PPP1R37: variants seen among roughly 807,000 people sequenced by gnomAD.
The protein encoded by PPP1R37 is protein phosphatase 1 regulatory subunit 37.
A neutral mutation model predicts 61.0 loss-of-function variants in PPP1R37; 21 were observed. That is an observed-to-expected ratio of 0.34 (90% CI 0.24 to 0.50). The LOEUF (loss-of-function observed/expected upper bound fraction) is 0.50. PPP1R37 is among the 20% of genes least tolerant of loss of function. PPP1R37 has a pLI of 0.98. For synonymous variants in PPP1R37, 443 were observed against 433.5 expected (o/e 1.02, Z -0.27); for missense variants, 910 against 952.7 (o/e 0.96, Z 0.59).
At chr19:45,136,784 G>C (rs1398516517) in intron 1 of PPP1R37, 1 of 152,368 alleles carries the variant, frequency 6.6e-6, no homozygotes, top group African/African-American at 2.4e-5. Flanking sequence ...CAGCACAGTG[G>C]CCAGAGCGGA....
chr19:45,143,574 C>G lies in PPP1R37; in HGVS notation c.928C>G (p.Leu310Val). ...GGAGCAGAGGAAGGGGCTGGTGACCCTGGTGCTGTGGAACAACCAGCTCAC... is the reference window on the plus strand; with the variant it reads ...GGAGCAGAGGAAGGGGCTGGTGACCGTGGTGCTGTGGAACAACCAGCTCAC... Reference protein sequence around the residue: ...LKEQRKGLVTLVLWNNQLTHT... With the variant: ...LKEQRKGLVTVVLWNNQLTHT... The change falls in exon 8 of 13, where the codon CTG becomes GTG. Residue 310 changes from leucine to valine, a missense_variant. Coordinates refer to ENST00000221462, the MANE Select transcript of PPP1R37 (RefSeq NM_019121.2). 1.3e-6 allele frequency: 2 copies of G among 1,535,852 alleles called. No individual in the cohort carries two copies. Among genetic ancestry groups the G allele is most frequent in the African/African-American group, 1.4e-5 (1 of 73,054 alleles).
chr19:45,129,010 C>T, intron 1 of PPP1R37: 1 of 839,300 alleles, frequency 1.2e-6, no homozygotes, highest in Non-Finnish European at 2.0e-6. Flanking sequence ...GCAGCTGTTG[C>T]AGTCAAGGCC....
chr19:45,123,008 G>A (rs373589812), intron 1 of PPP1R37, among the ~76,000 whole-genome samples: 26 of 152,288 alleles, frequency 1.7e-4, no homozygotes, highest in African/African-American at 6.0e-4. Context: ...TGCCAGAGAC[G>A]CCTTTTGCAT....
At position 45,121,822 on chromosome 19, in the gene PPP1R37, C is replaced by T. The variant is rs374264688; in HGVS notation, c.203-16692C>T. 4.6e-5 allele frequency among the ~76,000 whole-genome samples: 7 copies of T among 152,326 alleles called. No homozygotes were observed. In the East Asian group the frequency reaches 5.8e-4, roughly 13 times the overall value. On this transcript the variant is annotated intron_variant, in intron 1 of 12. Coordinates refer to ENST00000221462, the MANE Select transcript of PPP1R37 (RefSeq NM_019121.2). The surrounding 1 kb of genome is among the most constrained non-coding windows in gnomAD (Gnocchi z 4.2). ...GGGCCCCTTTCAGTAAAGATACTCC[C>T]CTGAGAAATACCTGCCCTTGGGAAG...
intron 1 of PPP1R37, among the ~76,000 whole-genome samples, chr19:45,127,369 A>G (rs951189248): frequency 1.3e-5 from 2 of 148,224 alleles, no homozygotes; most frequent in East Asian, 3.9e-4. Context: ...AAAAAAAAAA[A>G]AAAAAAACCC....
intron 1 of PPP1R37, among the ~76,000 whole-genome samples, chr19:45,107,565 T>C (rs1455092097): frequency 6.6e-6 from 1 of 152,188 alleles, no homozygotes; most frequent in Non-Finnish European, 1.5e-5. Flanking sequence ...GGTCTTGCCA[T>C]TGGACTCCAG....
chr19:45,113,154 G>A (rs973121923), intron 1 of PPP1R37, among the ~76,000 whole-genome samples: 5 of 152,184 alleles, frequency 3.3e-5, no homozygotes, highest in African/African-American at 7.2e-5. Context: ...AAGCCCACCC[G>A]GCCCTCTGGG....
chr19:45,140,816 C>T (rs1968601508), intron 4 of PPP1R37, among the ~76,000 whole-genome samples: 1 of 152,160 alleles, frequency 6.6e-6, no homozygotes, highest in South Asian at 2.1e-4. Context: ...ATGGCCCACC[C>T]TCATAAGCAA....
chr19:45,129,811 G>T (rs534033827), intron 1 of PPP1R37, among the ~76,000 whole-genome samples: 30 of 152,298 alleles, frequency 2.0e-4, no homozygotes, highest in Non-Finnish European at 3.7e-4. Flanking sequence ...AGCGGGGAGG[G>T]GTCCTGCCCC....
At position 45,095,425 on chromosome 19, in the gene PPP1R37, C is replaced by G. The variant is rs188214681; in HGVS notation, c.202+1898C>G. Among the ~76,000 whole-genome samples, 177 of 152,214 alleles carry G rather than the reference C, an allele frequency of 1.2e-3. 2 individuals are homozygous for G. Among genetic ancestry groups the G allele is most frequent in the East Asian group, 2.9e-3 (15 of 5,154 alleles). On this transcript the variant is annotated intron_variant, in intron 1 of 12. Transcript: ENST00000221462. ...GTGCTGGGATTACCGGCATGAGCCACCGTGCCCGGCTGGCTAGTTATTCTT... is the reference window on the plus strand; with the variant it reads ...GTGCTGGGATTACCGGCATGAGCCAGCGTGCCCGGCTGGCTAGTTATTCTT...
rs1353986021 is a variant in PPP1R37 at position 45,143,522 on chromosome 19, T to G, written c.876T>G (p.Gly292=). Residue 292 remains glycine (G), a splice_region_variant and synonymous_variant, in exon 8 of 13, where the codon GGT becomes GGG. Coordinates refer to ENST00000221462, the MANE Select transcript of PPP1R37 (RefSeq NM_019121.2). Reference sequence around the variant, plus strand: ...GCTCTGACTGCCGGCCTCCTCCAGGTCTGGCCTACATCTGCGAGGGCCTCA... The same window carrying G: ...GCTCTGACTGCCGGCCTCCTCCAGGGCTGGCCTACATCTGCGAGGGCCTCA... ...DLRNNHVLDS[G]LAYICEGLKE... 1 of 1,530,906 alleles carries G rather than the reference T, an allele frequency of 6.5e-7. No homozygotes were observed. Among genetic ancestry groups the G allele is most frequent in the Non-Finnish European group, 8.8e-7 (1 of 1,142,508 alleles). 94.8% of individuals were successfully genotyped at this position (1,530,906 alleles called of 1,614,324 possible).
intron 1 of PPP1R37, among the ~76,000 whole-genome samples, chr19:45,120,770 A>G (rs1369559148): frequency 6.6e-6 from 1 of 151,962 alleles, no homozygotes; most frequent in African/African-American, 2.4e-5. Context: ...CCGCTACCAC[A>G]CCTGGCTAAT....
intron 1 of PPP1R37, among the ~76,000 whole-genome samples, chr19:45,098,882 G>C (rs1050791740): frequency 6.6e-6 from 1 of 152,046 alleles, no homozygotes; most frequent in African/African-American, 2.4e-5. Flanking sequence ...TCAGATTTCC[G>C]TCTGGGCCCA....
chr19:45,139,192 C>T (rs1021337329), intron 2 of PPP1R37, among the ~76,000 whole-genome samples: 26 of 152,200 alleles, frequency 1.7e-4, no homozygotes, highest in African/African-American at 5.8e-4. Context: ...GCTGAGATTA[C>T]AGGCATGAGC....
At chr19:45,122,096 G>A (rs1968348805) in intron 1 of PPP1R37, among the ~76,000 whole-genome samples, 1 of 152,182 alleles carries the variant, frequency 6.6e-6, no homozygotes, top group African/African-American at 2.4e-5. Flanking sequence ...AGGAGGCCTT[G>A]TGTGGTTCTG....
chr19:45,097,405 C>T (rs1309973256), intron 1 of PPP1R37, among the ~76,000 whole-genome samples: 6 of 151,968 alleles, frequency 3.9e-5, no homozygotes, highest in Middle Eastern at 6.8e-3. Context: ...GATGGAGGAG[C>T]GCCCCTGGGT....
rs1386168091 is a variant in PPP1R37, at chr19:45,145,219, C to G, written c.1255C>G (p.Leu419Val). The G allele has an allele frequency of 6.5e-7, 1 of 1,535,004 alleles. No homozygotes were observed. Among genetic ancestry groups the G allele is most frequent in the East Asian group, 2.4e-5 (1 of 40,884 alleles). Reference protein sequence around the residue: ...LSLALKVNHSLLRLDLDREPK... With the variant: ...LSLALKVNHSVLRLDLDREPK... ...GTTGGCCCTCAAGGTGAACCACTCA[C>G]TGCTGCGCCTGGACCTCGACCGTGA... The change falls in exon 10 of 13, where the codon CTG (leucine) becomes GTG (valine). Residue 419 changes from leucine (L) to valine (V), a missense_variant. Transcript: ENST00000221462.
At chr19:45,141,958 G>A in intron 5 of PPP1R37, 103 bp from the exon 6 acceptor site, 4 of 1,247,124 alleles carry the variant, frequency 3.2e-6, no homozygotes, top group Non-Finnish European at 4.3e-6. Context: ...GAGACATGGG[G>A]GCACAGGTCC....
Position 45,125,583 on chromosome 19 carries a change from C to T in PPP1R37, c.203-12931C>T, listed in dbSNP as rs1022642302. Among the ~76,000 whole-genome samples, 3 of 152,216 alleles carry T rather than the reference C, an allele frequency of 2.0e-5. No homozygotes were observed. The East Asian group carries it at 5.8e-4, about 29-fold the overall frequency. On this transcript the variant is annotated intron_variant, in intron 1 of 12. Transcript: ENST00000221462. ...AGAAATGGGATGCAGTCTTAACCAC[C>T]CTAGTGGGAAGAGAGCTCCTCTTTC...
Sources: allele counts gnomAD v4.1 joint callset (sites outside exome capture counted in the v4.1 genomes callset), GRCh38; gene constraint gnomAD v4.1.1; non-coding constraint Gnocchi (gnomAD v3.1); transcripts MANE v1.5; gene names NCBI Gene and HGNC (gene_info 2026-07-23, HGNC 2026-07-21).